LDLRAD3: variants seen among roughly 807,000 people sequenced by gnomAD.
LDLRAD3 encodes low-density lipoprotein receptor class A domain-containing protein 3.
A neutral mutation model predicts 29.4 loss-of-function variants in LDLRAD3; 20 were observed. That is an observed-to-expected ratio of 0.68 (90% CI 0.48 to 0.99). The LOEUF (loss-of-function observed/expected upper bound fraction) is 0.99, where lower values mean the gene tolerates loss of function less well. Among genes scored for constraint, LDLRAD3 ranks in the 50% least tolerant of loss-of-function variants. LDLRAD3 has a pLI of 0.00. For missense variants in LDLRAD3, 420 were observed against 454.3 expected (o/e 0.92, Z 0.69); for synonymous variants, 157 against 192.7 (o/e 0.81, Z 1.53).
At chr11:36,055,086 G>C (rs1166695913) in intron 2 of LDLRAD3, among the ~76,000 whole-genome samples, 1 of 11,832 alleles carries the variant, frequency 8.5e-5, no homozygotes, top group African/African-American at 5.7e-4. Context: ...TGGATGGATG[G>C]ATGGATGTGT....
intron 2 of LDLRAD3, among the ~76,000 whole-genome samples, chr11:36,048,704 TA>T (rs1852487896): frequency 6.6e-6 from 1 of 152,198 alleles, no homozygotes; most frequent in South Asian, 2.1e-4. Context: ...CTGGTGGTGA[TA>T]GGGGGACTTG....
chr11:35,952,870 A>G (rs1474887284), intron 1 of LDLRAD3, among the ~76,000 whole-genome samples: 7 of 152,238 alleles, frequency 4.6e-5, no homozygotes, highest in African/African-American at 1.7e-4. Flanking sequence ...CATTTCCTGA[A>G]CTAGAGATTG....
intron 4 of LDLRAD3, among the ~76,000 whole-genome samples, chr11:36,123,999 AAG>A (rs1853799356): frequency 6.6e-6 from 1 of 152,236 alleles, no homozygotes; most frequent in Non-Finnish European, 1.5e-5. Flanking sequence ...GACTAAATAA[AAG>A]GGGGAGGATG....
chr11:36,216,569 G>A (rs574098807), intron 4 of LDLRAD3, among the ~76,000 whole-genome samples: 76 of 152,274 alleles, frequency 5.0e-4, no homozygotes, highest in African/African-American at 1.7e-3. Flanking sequence ...TTTTAAAGGT[G>A]AGGATTTTGA....
intron 4 of LDLRAD3, among the ~76,000 whole-genome samples, chr11:36,203,743 C>T (rs1435777667): frequency 2.0e-5 from 3 of 152,130 alleles, no homozygotes; most frequent in African/African-American, 7.2e-5. Flanking sequence ...TTTTATTTAA[C>T]ATGGAGCACT....
intron 4 of LDLRAD3, among the ~76,000 whole-genome samples, chr11:36,115,164 G>A (rs909889172): frequency 2.0e-5 from 3 of 152,168 alleles, no homozygotes; most frequent in Non-Finnish European, 4.4e-5. Flanking sequence ...AGAGATGCTT[G>A]GGCCACCCCT....
At chr11:35,988,479 A>T (rs999613288) in intron 1 of LDLRAD3, among the ~76,000 whole-genome samples, 1 of 152,160 alleles carries the variant, frequency 6.6e-6, no homozygotes, top group South Asian at 2.1e-4. Flanking sequence ...CATTTGTGGG[A>T]TGCATAGTTT....
chr11:36,218,059 A>G (rs79767434), intron 4 of LDLRAD3, among the ~76,000 whole-genome samples: 1 of 152,180 alleles, frequency 6.6e-6, no homozygotes, highest in Non-Finnish European at 1.5e-5. Context: ...GCAAGGATTA[A>G]AAGTGTTAGA....
chr11:36,041,516 C>T (rs932712528), intron 2 of LDLRAD3, among the ~76,000 whole-genome samples: 9 of 152,176 alleles, frequency 5.9e-5, no homozygotes, highest in African/African-American at 1.2e-4. Flanking sequence ...ATTCTAAAAA[C>T]GTCAATAATG....
intron 4 of LDLRAD3, among the ~76,000 whole-genome samples, chr11:36,108,461 T>C (rs887920348): frequency 1.3e-5 from 2 of 152,046 alleles, no homozygotes; most frequent in African/African-American, 4.8e-5. Flanking sequence ...AGAGCTCATA[T>C]TCTATAGGAA....
intron 1 of LDLRAD3, among the ~76,000 whole-genome samples, chr11:36,025,984 T>G (rs1852161892): frequency 6.7e-6 from 1 of 149,930 alleles, no homozygotes; most frequent in Non-Finnish European, 1.5e-5. Flanking sequence ...TTCACCATGT[T>G]GGTCAGGCTG....
At chr11:36,104,916 T>G (rs1240333510) in intron 4 of LDLRAD3, among the ~76,000 whole-genome samples, 2 of 152,204 alleles carry the variant, frequency 1.3e-5, no homozygotes, top group Non-Finnish European at 2.9e-5. Context: ...GAGATTAGTA[T>G]GAAGACTGGC....
At chr11:36,025,893 C>T (rs1290492867) in intron 1 of LDLRAD3, among the ~76,000 whole-genome samples, 2 of 150,684 alleles carry the variant, frequency 1.3e-5, no homozygotes, top group Admixed American at 6.6e-5. Flanking sequence ...GATTCTCCTG[C>T]CCTATCCTCC....
chr11:36,195,582 A>G (rs1193633343), intron 4 of LDLRAD3, among the ~76,000 whole-genome samples: 5 of 152,224 alleles, frequency 3.3e-5, no homozygotes, highest in Admixed American at 2.6e-4. Context: ...GGAATTGAAC[A>G]TTTTAAAATA....
At chr11:36,183,804 G>C (rs996184452) in intron 4 of LDLRAD3, among the ~76,000 whole-genome samples, 3 of 151,952 alleles carry the variant, frequency 2.0e-5, no homozygotes, top group Admixed American at 6.6e-5. Context: ...TTTCTGCTGC[G>C]TTCTGAATAA....
intron 4 of LDLRAD3, among the ~76,000 whole-genome samples, chr11:36,132,712 C>G (rs774616683): frequency 9.9e-5 from 15 of 152,208 alleles, no homozygotes; most frequent in Non-Finnish European, 1.9e-4. Flanking sequence ...GCCTTACAGT[C>G]CCGATAGGAG....
At chr11:36,079,365 TGAG>T (rs1177867125) in intron 2 of LDLRAD3, among the ~76,000 whole-genome samples, 1 of 151,674 alleles carries the variant, frequency 6.6e-6, no homozygotes, top group African/African-American at 2.4e-5. Flanking sequence ...TTAGTGATGA[TGAG>T]GAGGATGAGG....
intron 4 of LDLRAD3, among the ~76,000 whole-genome samples, chr11:36,101,702 T>C (rs142013023): frequency 6.6e-6 from 1 of 152,228 alleles, no homozygotes; most frequent in East Asian, 1.9e-4. Flanking sequence ...TTGCATCATG[T>C]AACCTCTATG....
chr11:36,042,708 T>C (rs1852397565), intron 2 of LDLRAD3, among the ~76,000 whole-genome samples: 1 of 152,158 alleles, frequency 6.6e-6, no homozygotes, highest in Non-Finnish European at 1.5e-5. Context: ...TGGGTCCTAA[T>C]CCAATACGAC....
Sources: allele counts gnomAD v4.1 joint callset (sites outside exome capture counted in the v4.1 genomes callset), GRCh38; gene constraint gnomAD v4.1.1; transcripts MANE v1.5; gene names NCBI Gene and HGNC (gene_info 2026-07-23, HGNC 2026-07-21).